Variants in FIG4 observed in about 807,000 individuals in gnomAD.
FIG4 encodes the protein FIG4 phosphoinositide 5-phosphatase.
Under a neutral mutation model 118.6 loss-of-function variants are expected in FIG4, and 112 were observed. The ratio of observed to expected loss-of-function variants is 0.94; its 90% CI spans 0.81 to 1.11. The LOEUF is 1.11. Among genes scored for constraint, FIG4 ranks in the 50% least tolerant of loss-of-function variants. The pLI, the probability that FIG4 is intolerant of heterozygous loss-of-function variation, is 0.00. For synonymous variants in FIG4, 369 were observed against 381.2 expected (o/e 0.97, Z 0.37); for missense variants, 969 against 1,111.7 (o/e 0.87, Z 1.83).
At chr6:109,736,805 G>A (rs760097638) in intron 6 of FIG4, among the ~76,000 whole-genome samples, 1 of 152,116 alleles carries the variant, frequency 6.6e-6, no homozygotes, top group Non-Finnish European at 1.5e-5. Context: ...GAAGTCCACA[G>A]TGGATCTCAG....
chr6:109,758,931 ATTAT>A (rs1420083103), intron 10 of FIG4, among the ~76,000 whole-genome samples: 1 of 152,220 alleles, frequency 6.6e-6, no homozygotes, highest in Non-Finnish European at 1.5e-5. Context: ...TAGAATGGCG[ATTAT>A]TTAAGTCAGG....
intron 22 of FIG4, among the ~76,000 whole-genome samples, chr6:109,819,252 C>G (rs1778940966): frequency 1.3e-5 from 2 of 152,136 alleles, no homozygotes; most frequent in South Asian, 4.1e-4. Flanking sequence ...GCTATTTGTC[C>G]TTAGTAGTGA....
rs947086549 is a variant in FIG4, at chr6:109,796,675, A to G, written c.2460-90A>G. ...TTTCTGAAATAAGCATACTACTGAA[A>G]TTTGAAAGCTTACACCATTTTGTGT... On this transcript the variant is annotated intron_variant, in intron 21 of 22. Transcript: ENST00000230124. 5 of 821,842 alleles carry G rather than the reference A, an allele frequency of 6.1e-6. No individual in the cohort carries two copies. In the African/African-American group the frequency reaches 8.4e-5, roughly 14 times the overall value. The allele number at this position is 821,842 out of a possible 1,614,324, so 50.9% of individuals were successfully genotyped here.
In FIG4 at chr6:109,764,000, A is replaced by C; in HGVS notation, c.1434+18A>C. ...GCCTGCAGGTATACACAGTATTACA[A>C]TTCGTAATGAATAGAATCTGTATCC... On this transcript the variant is annotated intron_variant, in intron 13 of 22. Coordinates refer to ENST00000230124, the MANE Select transcript of FIG4 (RefSeq NM_014845.6). 6.5e-7 allele frequency: 1 copy of C among 1,534,444 alleles called. No homozygotes were observed. Among genetic ancestry groups the C allele is most frequent in the Non-Finnish European group, 9.0e-7 (1 of 1,107,296 alleles).
intron 1 of FIG4, among the ~76,000 whole-genome samples, chr6:109,700,178 G>C (rs902889141): frequency 1.3e-5 from 2 of 152,132 alleles, no homozygotes; most frequent in African/African-American, 4.8e-5. Context: ...TCTTTCTCTA[G>C]CTTCATAAGA....
At chr6:109,696,924 T>C (rs1314842731) in intron 1 of FIG4, among the ~76,000 whole-genome samples, 5 of 152,316 alleles carry the variant, frequency 3.3e-5, no homozygotes, top group Middle Eastern at 3.4e-3. Context: ...TTATAGATGT[T>C]TGAGGTGATG....
intron 22 of FIG4, among the ~76,000 whole-genome samples, chr6:109,797,763 G>A (rs1434842788): frequency 6.6e-6 from 1 of 152,012 alleles, no homozygotes; most frequent in Admixed American, 6.6e-5. Flanking sequence ...GGGCATGGTG[G>A]TGCGTGCCTG....
intron 1 of FIG4, among the ~76,000 whole-genome samples, chr6:109,708,940 T>C (rs1775174254): frequency 6.6e-6 from 1 of 152,242 alleles, no homozygotes; most frequent in South Asian, 2.1e-4. Flanking sequence ...ATAGTTTATT[T>C]TGCTGTGCAG....
At chr6:109,810,212 T>C (rs780208041) in intron 22 of FIG4, among the ~76,000 whole-genome samples, 1 of 152,166 alleles carries the variant, frequency 6.6e-6, no homozygotes, top group Non-Finnish European at 1.5e-5. Context: ...GGTGCATGGA[T>C]GTAGGGAAGT....
chr6:109,762,250 G>A (rs776611599), intron 12 of FIG4, 43 bp downstream of exon 12: 1 of 1,192,722 alleles, frequency 8.4e-7, no homozygotes, highest in Non-Finnish European at 1.3e-6. Flanking sequence ...GATGATTTTT[G>A]CTCTTATGGG....
At chr6:109,709,819 A>C (rs1775202954) in intron 1 of FIG4, among the ~76,000 whole-genome samples, 1 of 152,136 alleles carries the variant, frequency 6.6e-6, no homozygotes. Context: ...TTGTGTTCTT[A>C]GACTTTACTG....
intron 10 of FIG4, among the ~76,000 whole-genome samples, chr6:109,747,272 G>C (rs1260440516): frequency 2.0e-5 from 3 of 152,030 alleles, no homozygotes; most frequent in African/African-American, 7.2e-5. Context: ...CCCATGTGGA[G>C]AGTATAAAGT....
intron 21 of FIG4, among the ~76,000 whole-genome samples, chr6:109,795,970 A>G (rs1218727053): frequency 6.6e-6 from 1 of 152,166 alleles, no homozygotes; most frequent in Non-Finnish European, 1.5e-5. Flanking sequence ...ACAAAACCGT[A>G]TCCTTGAAGG....
intron 22 of FIG4, among the ~76,000 whole-genome samples, chr6:109,797,741 C>T (rs1197923888): frequency 6.6e-6 from 1 of 151,866 alleles, no homozygotes; most frequent in African/African-American, 2.4e-5. Context: ...ACTTAAAATA[C>T]AAAAATTAGC....
At chr6:109,711,941 C>T (rs1775277928) in intron 1 of FIG4, among the ~76,000 whole-genome samples, 1 of 152,110 alleles carries the variant, frequency 6.6e-6, no homozygotes, top group Non-Finnish European at 1.5e-5. Context: ...GGAGCTCTTG[C>T]AAGGCAGTTC....
chr6:109,700,408 T>G (rs1463055257), intron 1 of FIG4, among the ~76,000 whole-genome samples: 1 of 152,042 alleles, frequency 6.6e-6, no homozygotes, highest in Non-Finnish European at 1.5e-5. Flanking sequence ...AACAAGTAGC[T>G]CACTAAAAAG....
chr6:109,705,948 TC>T (rs1775053474), intron 1 of FIG4, among the ~76,000 whole-genome samples: 2 of 152,230 alleles, frequency 1.3e-5, no homozygotes. Flanking sequence ...GAGCCATTTT[TC>T]TATGTGCTTA....
chr6:109,755,613 T>G (rs12193759), intron 10 of FIG4, among the ~76,000 whole-genome samples: 3,488 of 152,230 alleles, frequency 0.023, 56 homozygotes, highest in Non-Finnish European at 0.038. Context: ...TAATGAATCT[T>G]GGTGCTCCTG....
intron 15 of FIG4, among the ~76,000 whole-genome samples, chr6:109,769,299 G>T (rs1195570101): frequency 6.6e-6 from 1 of 151,986 alleles, no homozygotes; most frequent in African/African-American, 2.4e-5. Flanking sequence ...GTTTAAAAAA[G>T]AAAGGAGTAA....
Sources: allele counts gnomAD v4.1 joint callset (sites outside exome capture counted in the v4.1 genomes callset), GRCh38; gene constraint gnomAD v4.1.1; transcripts MANE v1.5; gene names NCBI Gene and HGNC (gene_info 2026-07-23, HGNC 2026-07-21).